Variants in TJP1 observed in about 807,000 individuals in gnomAD.
TJP1 encodes the protein tight junction protein ZO-1.
TJP1 carries 43 observed loss-of-function variants against 194.2 expected under a neutral mutation model. The observed-to-expected ratio is 0.22, with a 90% CI of 0.17 to 0.29. The LOEUF (loss-of-function observed/expected upper bound fraction) is 0.29, where lower values mean the gene tolerates loss of function less well. TJP1 is among the 10% of genes least tolerant of loss of function. TJP1 has a pLI of 1.00. For synonymous variants in TJP1, 801 were observed against 779.0 expected (o/e 1.03, Z -0.47); for missense variants, 1,971 against 2,185.7 (o/e 0.90, Z 1.96).
At chr15:29,932,304 G>A (rs1596281414) in intron 2 of TJP1, among the ~76,000 whole-genome samples, 1 of 152,230 alleles carries the variant, frequency 6.6e-6, no homozygotes, top group East Asian at 1.9e-4. Flanking sequence ...CAGACCAAGG[G>A]AAAATAAGAG....
chr15:29,921,847 C>CT (rs202166290), intron 2 of TJP1, among the ~76,000 whole-genome samples: 56 of 147,272 alleles, frequency 3.8e-4, no homozygotes, highest in African/African-American at 1.0e-3. Context: ...TTCTTTCTTT[C>CT]TTTTTTTTTT....
intron 2 of TJP1, among the ~76,000 whole-genome samples, chr15:29,856,023 C>T (rs563907423): frequency 6.6e-6 from 1 of 152,302 alleles, no homozygotes; most frequent in Admixed American, 6.5e-5. Context: ...ACATTCACAG[C>T]AGCATTATTT....
intron 2 of TJP1, among the ~76,000 whole-genome samples, chr15:29,789,884 A>C (rs1325799189): frequency 6.6e-6 from 1 of 152,238 alleles, no homozygotes; most frequent in Non-Finnish European, 1.5e-5. Context: ...GTTTCTTAAA[A>C]GTGGGATGCC....
Position 29,733,076 on chromosome 15 carries a change from G to T in TJP1, c.1736+18C>A. On this transcript the variant is annotated intron_variant, in intron 13 of 27. Transcript: ENST00000614355. ...ATTTACTTGATTCACTCTATGAGAA[G>T]TATCCAAGCATTCATACCTGTTCTT... 1.9e-6 allele frequency: 3 copies of T among 1,605,328 alleles called. No homozygotes were observed. Among genetic ancestry groups the T allele is most frequent in the Non-Finnish European group, 2.6e-6 (3 of 1,172,478 alleles).
intron 2 of TJP1, among the ~76,000 whole-genome samples, chr15:29,939,606 C>T (rs2152281528): frequency 6.6e-6 from 1 of 152,290 alleles, no homozygotes; most frequent in Middle Eastern, 3.4e-3. Flanking sequence ...TACCACCCAG[C>T]TACACACCAT....
chr15:29,815,820 C>T (rs995477364), intron 1 of TJP1, among the ~76,000 whole-genome samples: 1 of 152,102 alleles, frequency 6.6e-6, no homozygotes, highest in Non-Finnish European at 1.5e-5. Flanking sequence ...TACATTTGGT[C>T]TCTAAACAGA....
chr15:29,821,984 G>A lies in TJP1; in HGVS notation c.27+18C>T, dbSNP rs1358328374. 5 of 1,304,188 alleles carry A rather than the reference G, an allele frequency of 3.8e-6. No homozygotes were observed. Among genetic ancestry groups the A allele is most frequent in the Non-Finnish European group, 4.9e-6 (5 of 1,025,964 alleles). 80.8% of individuals were successfully genotyped at this position (1,304,188 alleles called of 1,614,324 possible). A position where few individuals can be genotyped will look rare whatever the true frequency, so the allele number is the denominator to read the frequency against. On this transcript the variant is annotated intron_variant, in intron 1 of 27. Coordinates refer to ENST00000614355, the MANE Select transcript of TJP1 (RefSeq NM_001330239.4). ...ACGGTCGGCCCGGTCTGGCCCTGGC[G>A]GCCGCGGAGGCGCTCACCTTGGCGG...
intron 2 of TJP1, among the ~76,000 whole-genome samples, chr15:29,842,946 T>C (rs917146141): frequency 2.0e-5 from 3 of 152,224 alleles, no homozygotes; most frequent in Non-Finnish European, 4.4e-5. Flanking sequence ...AAAATGCCTA[T>C]TTCTGTGTCC....
chr15:29,799,677 A>G (rs1457882280), intron 2 of TJP1, among the ~76,000 whole-genome samples: 2 of 152,170 alleles, frequency 1.3e-5, no homozygotes, highest in Non-Finnish European at 2.9e-5. Flanking sequence ...AGCCTCCCAA[A>G]GTGCTGGGAT....
chr15:29,720,733 A>G, intron 18 of TJP1, 25 bp from the exon 19 acceptor site: 1 of 1,536,794 alleles, frequency 6.5e-7, no homozygotes, highest in Non-Finnish European at 8.8e-7. Flanking sequence ...AGTAAATTAC[A>G]AATTTTATTC....
At chr15:29,833,879 ATATTTTTTT>A (rs1339472322) in intron 2 of TJP1, among the ~76,000 whole-genome samples, 5 of 13,788 alleles carry the variant, frequency 3.6e-4, no homozygotes, top group African/African-American at 1.2e-3. Context: ...ATATATATAT[ATATTTTTTT>A]TTTTTTTTTT....
chr15:29,762,387 T>C lies in TJP1; in HGVS notation c.641A>G (p.Asp214Gly). The change falls in exon 6 of 28, where the codon GAT (aspartate) becomes GGT (glycine). Residue 214 changes from aspartate (D) to glycine (G), a missense_variant. Physicochemically the swap from Asp to Gly is moderately conservative, Grantham distance 94 (BLOSUM62 -1). Transcript: ENST00000614355. Reference protein sequence around the residue: ...SHIFVKEISQDSLAARDGNIQ... With the variant: ...SHIFVKEISQGSLAARDGNIQ... Reference sequence around the variant, plus strand: ...ATTGCCATCTCTTGCTGCCAAACTATCTTGTGAAATTTCCTTAACAAATAT... The same window carrying C: ...ATTGCCATCTCTTGCTGCCAAACTACCTTGTGAAATTTCCTTAACAAATAT... 1 of 1,613,734 alleles carries C rather than the reference T, an allele frequency of 6.2e-7. No homozygotes were observed. The highest frequency in any genetic ancestry group is 8.5e-7 in the Non-Finnish European group (1 of 1,179,926).
intron 2 of TJP1, among the ~76,000 whole-genome samples, chr15:29,913,465 A>T (rs555381409): frequency 6.6e-6 from 1 of 152,342 alleles, no homozygotes; most frequent in East Asian, 1.9e-4. Context: ...ACATTTGTAC[A>T]TACACACATC....
At chr15:29,911,996 T>C (rs1352174886) in intron 2 of TJP1, among the ~76,000 whole-genome samples, 2 of 152,234 alleles carry the variant, frequency 1.3e-5, no homozygotes, top group Non-Finnish European at 2.9e-5. Flanking sequence ...TATAACAAGA[T>C]ACCACAGACT....
intron 15 of TJP1, chr15:29,730,776 C>T: frequency 1.3e-6 from 1 of 771,792 alleles, no homozygotes; most frequent in South Asian, 1.3e-5. Context: ...GGACGAACCA[C>T]AGAGAAGATC....
At chr15:29,814,740 G>A (rs2049786315) in intron 1 of TJP1, among the ~76,000 whole-genome samples, 1 of 152,134 alleles carries the variant, frequency 6.6e-6, no homozygotes, top group Non-Finnish European at 1.5e-5. Flanking sequence ...ATCAGCTTCT[G>A]TTTTACCTCC....
chr15:29,864,335 C>T (rs747863088), intron 2 of TJP1, among the ~76,000 whole-genome samples: 9 of 149,250 alleles, frequency 6.0e-5, no homozygotes, highest in Admixed American at 2.0e-4. Flanking sequence ...TGGGTGAACC[C>T]GGGAGTCAGT....
intron 8 of TJP1, among the ~76,000 whole-genome samples, chr15:29,753,480 T>G (rs2045426053): frequency 9.9e-6 from 1 of 101,000 alleles, no homozygotes; most frequent in African/African-American, 4.3e-5. Context: ...CAAGACTCTG[T>G]GTCAAAAAAA....
intron 2 of TJP1, among the ~76,000 whole-genome samples, chr15:29,856,349 A>T (rs1181186930): frequency 6.6e-6 from 1 of 152,232 alleles, no homozygotes; most frequent in Non-Finnish European, 1.5e-5. Context: ...AAGAAGCCAG[A>T]CACAAGAGAC....
Sources: gnomAD v4.1 joint callset for allele counts (sites outside exome capture counted in the v4.1 genomes callset) on GRCh38, gnomAD v4.1.1 for gene constraint, MANE v1.5 for transcripts, NCBI Gene and HGNC (gene_info 2026-07-23, HGNC 2026-07-21) for gene names.